The following PVT1 variants were observed in gnomAD, a reference collection of about 807,000 sequenced individuals.
The protein encoded by PVT1 is CXCR4/PVT1 fusion.
intron 4 of PVT1, among the ~76,000 whole-genome samples, chr8:128,023,913 C>T (rs73707174): frequency 0.031 from 4,756 of 152,284 alleles, 256 homozygotes; most frequent in African/African-American, 0.11. Context: ...CAGCGGTCCC[C>T]ATATTTTGGG....
At chr8:128,007,725 G>A (rs72720848) in intron 4 of PVT1, among the ~76,000 whole-genome samples, 4 of 152,292 alleles carry the variant, frequency 2.6e-5, no homozygotes, top group Non-Finnish European at 5.9e-5. Context: ...TAAGAATGTG[G>A]GTTGTATGCA....
intron 3 of PVT1, among the ~76,000 whole-genome samples, chr8:127,938,638 A>C (rs1816308041): frequency 1.3e-5 from 2 of 152,144 alleles, no homozygotes; most frequent in African/African-American, 4.8e-5. Flanking sequence ...TGACACCCTT[A>C]AAAAGAAATG....
At chr8:128,049,117 G>A in intron 4 of PVT1, 1 of 522,494 alleles carries the variant, frequency 1.9e-6, no homozygotes, top group East Asian at 5.5e-5. Flanking sequence ...AGAGATAGGA[G>A]CCCTTTCTTT....
At position 127,951,869 on chromosome 8, in the gene PVT1, G is replaced by A. The variant is rs567267977; in HGVS notation, n.783-37293G>A. Among the ~76,000 whole-genome samples, 6 of 151,166 alleles carry A rather than the reference G, an allele frequency of 4.0e-5. No homozygotes were observed. In the East Asian group the frequency reaches 1.2e-3, roughly 29 times the overall value. On this transcript the variant is annotated intron_variant and non_coding_transcript_variant, in intron 3 of 10. Transcript: ENST00000651587. ...CTCACTCTGTTGCCCAGGCTGGAGT[G>A]CAGTGGCATGATCTCGGCTTACTGC...
chr8:127,810,339 T>C (rs1273813402), intron 2 of PVT1, among the ~76,000 whole-genome samples: 1 of 152,258 alleles, frequency 6.6e-6, no homozygotes, highest in South Asian at 2.1e-4. Flanking sequence ...ACCTCCCTCC[T>C]GTAAGCGAGC....
intron 2 of PVT1, among the ~76,000 whole-genome samples, chr8:127,887,301 C>G (rs1370979052): frequency 6.6e-6 from 1 of 152,204 alleles, no homozygotes; most frequent in East Asian, 1.9e-4. Flanking sequence ...TGACCAAAAG[C>G]AGGAACTCAC....
chr8:128,069,767 G>A (rs974027509), intron 4 of PVT1, among the ~76,000 whole-genome samples: 3 of 152,162 alleles, frequency 2.0e-5, no homozygotes, highest in South Asian at 2.1e-4. Flanking sequence ...CCAAAGAGCC[G>A]TAGCCAGTAA....
chr8:127,950,071 CTT>C (rs1816487070), intron 3 of PVT1, among the ~76,000 whole-genome samples: 1 of 152,246 alleles, frequency 6.6e-6, no homozygotes, highest in Non-Finnish European at 1.5e-5. Flanking sequence ...TTATTGAGCA[CTT>C]ACTAAGTGTC....
chr8:128,055,087 GAAT>G (rs747322416), intron 4 of PVT1, among the ~76,000 whole-genome samples: 15 of 152,046 alleles, frequency 9.9e-5, no homozygotes, highest in Non-Finnish European at 2.1e-4. Flanking sequence ...CTGCCCTGTA[GAAT>G]TTAGACTTAA....
intron 6 of PVT1, among the ~76,000 whole-genome samples, chr8:128,096,921 C>T (rs1814436645): frequency 6.6e-6 from 1 of 152,194 alleles, no homozygotes; most frequent in Non-Finnish European, 1.5e-5. Flanking sequence ...CTGTGCTCCA[C>T]CCCACCCAGG....
chr8:127,838,920 ACTT>A (rs996733742), intron 2 of PVT1, among the ~76,000 whole-genome samples: 27 of 152,234 alleles, frequency 1.8e-4, no homozygotes, highest in African/African-American at 6.5e-4. Flanking sequence ...TTTTTACTGT[ACTT>A]CTTCTATGTT....
At chr8:127,809,056 G>GAAAA (rs1814561989) in intron 2 of PVT1, among the ~76,000 whole-genome samples, 4 of 86,564 alleles carry the variant, frequency 4.6e-5, no homozygotes, top group East Asian at 3.4e-4. Flanking sequence ...AAAAAAAAAA[G>GAAAA]AAAGAAAAAA....
chr8:127,995,291 C>A (rs924897436), intron 4 of PVT1, among the ~76,000 whole-genome samples: 2 of 152,182 alleles, frequency 1.3e-5, no homozygotes. Flanking sequence ...CTAAGCTAAG[C>A]CCAATTGACT....
At chr8:128,004,377 G>C (rs942405897) in intron 4 of PVT1, among the ~76,000 whole-genome samples, 4 of 152,142 alleles carry the variant, frequency 2.6e-5, no homozygotes, top group Middle Eastern at 3.2e-3. Flanking sequence ...GCTTTATTCA[G>C]GTGCCAGCAC....
chr8:127,997,158 G>A (rs958746065), intron 4 of PVT1, among the ~76,000 whole-genome samples: 2 of 150,354 alleles, frequency 1.3e-5, no homozygotes, highest in East Asian at 2.0e-4. Context: ...GGGGTCAAGC[G>A]ATTCTCCCCA....
intron 4 of PVT1, among the ~76,000 whole-genome samples, chr8:128,000,551 T>A (rs1012666935): frequency 6.6e-6 from 1 of 152,240 alleles, no homozygotes; most frequent in African/African-American, 2.4e-5. Context: ...CTGCTGATTA[T>A]GGCCCTGAAA....
intron 3 of PVT1, among the ~76,000 whole-genome samples, chr8:127,976,844 C>A (rs950359848): frequency 2.0e-5 from 3 of 152,194 alleles, no homozygotes; most frequent in African/African-American, 7.2e-5. Flanking sequence ...TGCTTCAGCT[C>A]TGAGCTTTAC....
At chr8:127,909,113 C>T (rs1170655593) in intron 3 of PVT1, among the ~76,000 whole-genome samples, 1 of 152,184 alleles carries the variant, frequency 6.6e-6, no homozygotes, top group African/African-American at 2.4e-5. Flanking sequence ...TATTTGAAGG[C>T]CCTCAATATG....
At chr8:127,983,673 A>G (rs1350680176) in intron 3 of PVT1, among the ~76,000 whole-genome samples, 1 of 152,174 alleles carries the variant, frequency 6.6e-6, no homozygotes, top group Non-Finnish European at 1.5e-5. Context: ...CCCCAAGGAT[A>G]ACGACATTCT....
Sources: allele counts gnomAD v4.1 joint callset (sites outside exome capture counted in the v4.1 genomes callset), GRCh38; gene constraint gnomAD v4.1.1; transcripts MANE v1.5; gene names NCBI Gene and HGNC (gene_info 2026-07-23, HGNC 2026-07-21).